The following L3MBTL3 variants were observed in gnomAD, a reference collection of about 807,000 sequenced individuals.
The protein encoded by L3MBTL3 is lethal(3)malignant brain tumor-like protein 3.
A neutral mutation model predicts 102.3 loss-of-function variants in L3MBTL3; 27 were observed. The ratio of observed to expected loss-of-function variants is 0.26; its 90% CI spans 0.19 to 0.36. The LOEUF (loss-of-function observed/expected upper bound fraction) is 0.36, where lower values mean the gene tolerates loss of function less well. L3MBTL3 is among the 10% of genes least tolerant of loss of function. The probability of loss-of-function intolerance (pLI) is 1.00; values close to 1 mark genes in which losing one functional copy is unlikely to be tolerated. For synonymous variants in L3MBTL3, 340 were observed against 320.9 expected, an observed-to-expected ratio of 1.06 and a Z score of -0.64; for missense variants, 798 against 955.3, an observed-to-expected ratio of 0.84 and a Z score of 2.17.
At chr6:130,022,069 A>G (rs995839189) in intron 1 of L3MBTL3, among the ~76,000 whole-genome samples, 158 bp from the exon 2 acceptor site, 4 of 152,218 alleles carry the variant, frequency 2.6e-5, no homozygotes, top group African/African-American at 9.7e-5. Flanking sequence ...CTCATCTAGA[A>G]CCAGCTTATT....
At chr6:130,027,725 T>A (rs1779443254) in intron 2 of L3MBTL3, among the ~76,000 whole-genome samples, 1 of 152,172 alleles carries the variant, frequency 6.6e-6, no homozygotes, top group Non-Finnish European at 1.5e-5. Context: ...AGATACTACT[T>A]TTAGCATTAA....
chr6:130,061,966 GT>G (rs931357211), intron 10 of L3MBTL3, among the ~76,000 whole-genome samples: 1 of 152,166 alleles, frequency 6.6e-6, no homozygotes, highest in Non-Finnish European at 1.5e-5. Flanking sequence ...TGAGGGAATT[GT>G]GTCTTGCGCC....
chr6:130,053,577 ATG>A (rs1781244899), intron 7 of L3MBTL3, among the ~76,000 whole-genome samples: 1 of 151,080 alleles, frequency 6.6e-6, no homozygotes, highest in East Asian at 2.0e-4. Context: ...GGAGCTTGCA[ATG>A]AGCTGAGATT....
chr6:130,039,415 A>G (rs894497912), intron 2 of L3MBTL3, among the ~76,000 whole-genome samples: 12 of 152,074 alleles, frequency 7.9e-5, no homozygotes, highest in African/African-American at 2.4e-4. Context: ...GGGTCCACAG[A>G]TTATCTATGA....
chr6:130,020,239 G>T (rs1031393141), intron 1 of L3MBTL3, among the ~76,000 whole-genome samples: 1 of 151,308 alleles, frequency 6.6e-6, no homozygotes, highest in Non-Finnish European at 1.5e-5. Flanking sequence ...GCGGCGGGGC[G>T]GGGGGAAGTA....
intron 13 of L3MBTL3, among the ~76,000 whole-genome samples, chr6:130,076,687 C>G (rs540627231): frequency 6.6e-6 from 1 of 152,174 alleles, no homozygotes; most frequent in African/African-American, 2.4e-5. Flanking sequence ...CTTCATATTT[C>G]TTTTCAGTTA....
At chr6:130,073,348 A>G (rs1166632524) in intron 13 of L3MBTL3, among the ~76,000 whole-genome samples, 2 of 152,196 alleles carry the variant, frequency 1.3e-5, no homozygotes, top group Non-Finnish European at 2.9e-5. Flanking sequence ...TCCTGAATCA[A>G]ACCTGTTTGT....
chr6:130,082,851 CTG>C (rs1329230049), intron 14 of L3MBTL3, among the ~76,000 whole-genome samples: 1 of 152,150 alleles, frequency 6.6e-6, no homozygotes, highest in African/African-American at 2.4e-5. Context: ...ATATTGAAAA[CTG>C]TGAATTTATG....
intron 7 of L3MBTL3, among the ~76,000 whole-genome samples, chr6:130,054,127 G>C (rs1240539059): frequency 1.3e-5 from 2 of 152,228 alleles, no homozygotes; most frequent in Non-Finnish European, 2.9e-5. Context: ...GTGAAGTTGA[G>C]AGTGAGGCGT....
At chr6:130,135,167 T>G (rs1787506225) in intron 22 of L3MBTL3, among the ~76,000 whole-genome samples, 1 of 151,588 alleles carries the variant, frequency 6.6e-6, no homozygotes, top group African/African-American at 2.4e-5. Context: ...CAGAGGCGAT[T>G]CTCCTGCCTC....
Position 130,140,540 on chromosome 6 carries a change from G to T in L3MBTL3, c.*787G>T, listed in dbSNP as rs964458070. ...CAGTCTCACTCATCTTGGTGCCCCG[G>T]TGTTTACAAGAGCCAGATGGTGTCA... On this transcript the variant is annotated 3_prime_UTR_variant, in exon 23 of 23. Transcript: ENST00000361794. 15 of 152,240 alleles carry T rather than the reference G, an allele frequency of 9.9e-5. No homozygotes were observed. Among genetic ancestry groups the T allele is most frequent in the African/African-American group, 3.6e-4 (15 of 41,426 alleles). 9.4% of individuals were successfully genotyped at this position (152,240 alleles called of 1,614,324 possible). A position where few individuals can be genotyped will look rare whatever the true frequency, so the allele number is the denominator to read the frequency against.
intron 4 of L3MBTL3, 152 bp downstream of exon 4, chr6:130,049,545 A>G: frequency 1.4e-6 from 1 of 709,640 alleles, no homozygotes; most frequent in South Asian, 2.0e-5. Context: ...AACTGATAGG[A>G]GCCAGCATTT....
At chr6:130,060,614 G>A (rs980494117) in intron 10 of L3MBTL3, among the ~76,000 whole-genome samples, 3 of 151,722 alleles carry the variant, frequency 2.0e-5, no homozygotes, top group Admixed American at 6.6e-5. Flanking sequence ...CAAAGTGGTC[G>A]AACCAGGATT....
chr6:130,131,878 A>G (rs1347517401), intron 20 of L3MBTL3, among the ~76,000 whole-genome samples: 2 of 152,112 alleles, frequency 1.3e-5, no homozygotes, highest in African/African-American at 2.4e-5. Flanking sequence ...AGTCTGTTTT[A>G]TCAGCAAGGT....
rs1193991688 is a variant in L3MBTL3 at position 130,049,808 on chromosome 6, A to G, written c.267A>G (p.Thr89=). ...SRPVFPPAYW[T]SPPGCPTVFS... is the part of the protein sequence containing the mutation. ...CCGTATTTCCACCTGCCTACTGGAC[A>G]TCTCCACCTGGATGTCCCACAGGTA... Residue 89 remains threonine, a synonymous_variant, in exon 5 of 23, where the codon ACA becomes ACG. Coordinates refer to ENST00000361794, the MANE Select transcript of L3MBTL3 (RefSeq NM_032438.4). 1 of 1,613,532 alleles carries G rather than the reference A, an allele frequency of 6.2e-7. No homozygotes were observed. The highest frequency in any genetic ancestry group is 1.1e-5 in the South Asian group (1 of 90,992).
At chr6:130,113,241 T>TA (rs778277583) in intron 19 of L3MBTL3, among the ~76,000 whole-genome samples, 44 of 152,230 alleles carry the variant, frequency 2.9e-4, no homozygotes, top group Middle Eastern at 3.2e-3. Context: ...CTTGTGTTCA[T>TA]AAAAATGAAG....
chr6:130,081,608 G>GT (rs1307038303), intron 14 of L3MBTL3, among the ~76,000 whole-genome samples: 1 of 144,420 alleles, frequency 6.9e-6, no homozygotes, highest in Non-Finnish European at 1.5e-5. Context: ...GCATTTTTTA[G>GT]TAGAGATGGG....
chr6:130,069,785 T>G (rs533612806), intron 12 of L3MBTL3, among the ~76,000 whole-genome samples: 1 of 152,340 alleles, frequency 6.6e-6, no homozygotes, highest in African/African-American at 2.4e-5. Flanking sequence ...AGCATACAAC[T>G]TAATCTTGGG....
intron 2 of L3MBTL3, among the ~76,000 whole-genome samples, chr6:130,033,341 G>C (rs1779848564): frequency 6.6e-6 from 1 of 151,938 alleles, no homozygotes; most frequent in Admixed American, 6.6e-5. Flanking sequence ...CACCAAGTTT[G>C]ACAGTTAACG....
Sources: gnomAD v4.1 joint callset for allele counts (sites outside exome capture counted in the v4.1 genomes callset) on GRCh38, gnomAD v4.1.1 for gene constraint, MANE v1.5 for transcripts, NCBI Gene and HGNC (gene_info 2026-07-23, HGNC 2026-07-21) for gene names.